SIL1: variants seen among roughly 807,000 people sequenced by gnomAD.
The protein encoded by SIL1 is nucleotide exchange factor SIL1.
In SIL1, 40 loss-of-function variants were observed where a neutral mutation model predicts 49.1. The ratio of observed to expected loss-of-function variants is 0.81; its 90% CI spans 0.63 to 1.06. The LOEUF is 1.06. Ranked by LOEUF, SIL1 falls within the 50% of genes least tolerant of loss-of-function variation. The pLI is 0.00. For missense variants in SIL1, 500 were observed against 572.6 expected (o/e 0.87, Z 1.29); for synonymous variants, 253 against 250.8 (o/e 1.01, Z -0.08).
chr5:139,018,025 T>C (rs984690344), intron 7 of SIL1, among the ~76,000 whole-genome samples: 4 of 152,242 alleles, frequency 2.6e-5, no homozygotes, highest in African/African-American at 9.6e-5. Flanking sequence ...TGTAAGAGCT[T>C]GACCTGCCTT....
intron 1 of SIL1, among the ~76,000 whole-genome samples, chr5:139,186,060 G>T (rs1373167254): frequency 6.6e-6 from 1 of 152,162 alleles, no homozygotes; most frequent in Non-Finnish European, 1.5e-5. Context: ...TGCTGCACCA[G>T]CCTGACCACC....
At chr5:138,987,795 C>T (rs1310532418) in intron 7 of SIL1, among the ~76,000 whole-genome samples, 6 of 152,210 alleles carry the variant, frequency 3.9e-5, no homozygotes, top group South Asian at 4.1e-4. Context: ...AGAAGCAAGC[C>T]TAACTTGTCA....
intron 7 of SIL1, among the ~76,000 whole-genome samples, chr5:138,974,608 G>C (rs1197598374): frequency 6.6e-6 from 1 of 152,206 alleles, no homozygotes; most frequent in African/African-American, 2.4e-5. Flanking sequence ...TCTATTTGTA[G>C]TTCAGGCATC....
intron 7 of SIL1, among the ~76,000 whole-genome samples, chr5:138,971,145 A>G (rs1421922786): frequency 6.6e-6 from 1 of 152,168 alleles, no homozygotes; most frequent in Non-Finnish European, 1.5e-5. Context: ...ATTATTTTCC[A>G]AAGAGGAGAA....
intron 3 of SIL1, among the ~76,000 whole-genome samples, chr5:139,082,064 T>C (rs1330248022): frequency 6.6e-6 from 1 of 152,206 alleles, no homozygotes; most frequent in Non-Finnish European, 1.5e-5. Flanking sequence ...GGCATCAGAA[T>C]AGCTGCTATA....
chr5:139,127,834 G>A lies in SIL1; in HGVS notation c.10C>T (p.Gln4Ter). 6.2e-7 allele frequency: 1 copy of A among 1,602,980 alleles called. No individual in the cohort carries two copies. The highest frequency in any genetic ancestry group is 8.5e-7 in the Non-Finnish European group (1 of 1,175,104). ...GCCATCCTAGATGAAGGCAGGCTCT[G>A]GGGAGCCATAGTCAGGGACCTGCAG... The part of the protein sequence containing the change: MAP[Q>*]SLPSSRMAPL... Residue 4 changes from glutamine (Q) to a stop codon, truncating the protein, a stop_gained, in exon 2 of 10, where the codon CAG becomes TAG. Transcript: ENST00000394817. LOFTEE classifies it high-confidence loss of function.
intron 1 of SIL1, chr5:139,137,334 A>G: frequency 1.4e-6 from 1 of 702,440 alleles, no homozygotes; most frequent in Non-Finnish European, 2.6e-6. Flanking sequence ...GTAACGTGCC[A>G]GAGTTCATGC....
chr5:138,953,007 G>C (rs1312329137), intron 7 of SIL1, among the ~76,000 whole-genome samples: 1 of 152,246 alleles, frequency 6.6e-6, no homozygotes, highest in Non-Finnish European at 1.5e-5. Flanking sequence ...GAAAAGAGGG[G>C]ACAGGCACAC....
intron 3 of SIL1, among the ~76,000 whole-genome samples, chr5:139,098,181 T>C (rs753334307): frequency 6.6e-6 from 1 of 152,230 alleles, no homozygotes. Flanking sequence ...TCACATTACC[T>C]GACTTCAAAT....
chr5:139,140,902 C>T (rs1023898047), intron 1 of SIL1, among the ~76,000 whole-genome samples: 1 of 152,176 alleles, frequency 6.6e-6, no homozygotes, highest in African/African-American at 2.4e-5. Flanking sequence ...TAGGAAACAG[C>T]AGTTCTCCCT....
chr5:139,066,461 A>G (rs1459795370), intron 3 of SIL1, among the ~76,000 whole-genome samples: 2 of 151,800 alleles, frequency 1.3e-5, no homozygotes, highest in African/African-American at 2.4e-5. Flanking sequence ...AGCTCAAGTG[A>G]CAGTCCATTT....
chr5:139,040,181 A>G (rs1193894453), intron 5 of SIL1, among the ~76,000 whole-genome samples: 1 of 152,228 alleles, frequency 6.6e-6, no homozygotes, highest in Non-Finnish European at 1.5e-5. Flanking sequence ...AAAGCTTGAT[A>G]TATGTAAGAA....
chr5:139,109,626 A>C (rs1264624823), intron 3 of SIL1, among the ~76,000 whole-genome samples: 2 of 151,674 alleles, frequency 1.3e-5, no homozygotes, highest in Non-Finnish European at 2.9e-5. Flanking sequence ...CCAAGAGAAA[A>C]CATAACTACT....
At chr5:139,073,779 C>T (rs554969441) in intron 3 of SIL1, among the ~76,000 whole-genome samples, 12 of 151,814 alleles carry the variant, frequency 7.9e-5, no homozygotes, top group East Asian at 5.8e-4. Flanking sequence ...ACAAAAAATT[C>T]GCCAGGCTTG....
intron 5 of SIL1, among the ~76,000 whole-genome samples, chr5:139,039,897 G>T (rs780000307): frequency 3.9e-5 from 6 of 152,168 alleles, no homozygotes; most frequent in Non-Finnish European, 7.3e-5. Flanking sequence ...AACCAAATCT[G>T]CTGGGAGAGA....
chr5:139,121,160 A>G lies in SIL1; in HGVS notation c.119T>C (p.Leu40Pro). The part of the protein sequence containing the change: ...LSHQNLKEFA[L>P]TNPEKSSTKE... ...GGTGCTGCTCTTCTCTGGGTTGGTCAGGGCAAACTCCTTCTGAGAAAAGAA... is the reference window on the plus strand; with the variant it reads ...GGTGCTGCTCTTCTCTGGGTTGGTCGGGGCAAACTCCTTCTGAGAAAAGAA... Residue 40 changes from leucine (L) to proline (P), a missense_variant, in exon 3 of 10, where the codon CTG becomes CCG. Leu to Pro is a moderately conservative substitution (Grantham distance 98, BLOSUM62 -3). Coordinates refer to ENST00000394817, the MANE Select transcript of SIL1 (RefSeq NM_022464.5). 1.2e-6 allele frequency: 2 copies of G among 1,614,120 alleles called. No individual in the cohort carries two copies. The highest frequency in any genetic ancestry group is 1.7e-6 in the Non-Finnish European group (2 of 1,179,996).
chr5:139,174,093 A>T (rs971831068), intron 1 of SIL1, among the ~76,000 whole-genome samples: 1 of 152,116 alleles, frequency 6.6e-6, no homozygotes, highest in Non-Finnish European at 1.5e-5. Context: ...TAAAGATCAG[A>T]GCTAAGATCA....
At chr5:138,976,308 C>T (rs1767391830) in intron 7 of SIL1, among the ~76,000 whole-genome samples, 1 of 148,998 alleles carries the variant, frequency 6.7e-6, no homozygotes. Flanking sequence ...TATATTACCT[C>T]TCTTTTTTTT....
intron 1 of SIL1, among the ~76,000 whole-genome samples, chr5:139,141,955 G>A (rs1362949440): frequency 5.3e-5 from 8 of 152,176 alleles, no homozygotes; most frequent in Non-Finnish European, 1.5e-5. Flanking sequence ...CCCAAGATCA[G>A]ACCATACACT....
Sources: allele counts gnomAD v4.1 joint callset (sites outside exome capture counted in the v4.1 genomes callset), GRCh38; gene constraint gnomAD v4.1.1; transcripts MANE v1.5; gene names NCBI Gene and HGNC (gene_info 2026-07-23, HGNC 2026-07-21).